The following PWWP2A variants were observed in gnomAD, a reference collection of about 807,000 sequenced individuals.
PWWP2A encodes PWWP domain-containing protein 2A.
Under a neutral mutation model 48.5 loss-of-function variants are expected in PWWP2A, and 18 were observed. The ratio of observed to expected loss-of-function variants is 0.37; its 90% CI spans 0.26 to 0.55. PWWP2A has a LOEUF of 0.55. Among genes scored for constraint, PWWP2A ranks in the 20% least tolerant of loss-of-function variants. PWWP2A has a pLI of 0.81. For missense variants in PWWP2A, 867 were observed against 976.4 expected (o/e 0.89, Z 1.49); for synonymous variants, 396 against 387.7 (o/e 1.02, Z -0.25).
At chr5:160,118,735 G>T (rs1027113519) in intron 1 of PWWP2A, 70 bp downstream of exon 1, 33 of 1,330,552 alleles carry the variant, frequency 2.5e-5, no homozygotes, top group Non-Finnish European at 3.1e-5. Context: ...TCGGGGAGAG[G>T]GGGCCGCCCG....
intron 4 of PWWP2A, among the ~76,000 whole-genome samples, chr5:160,063,830 T>TA (rs1208834318): frequency 5.9e-5 from 9 of 151,878 alleles, no homozygotes; most frequent in African/African-American, 2.2e-4. Context: ...TTTGTAGAGA[T>TA]AGAGTCTCAC....
chr5:160,082,696 T>C (rs531061731), intron 2 of PWWP2A, among the ~76,000 whole-genome samples: 2 of 152,124 alleles, frequency 1.3e-5, no homozygotes, highest in Non-Finnish European at 1.5e-5. Context: ...TTTAAGATAA[T>C]CTTCCCCTCA....
chr5:160,091,997 T>G lies in PWWP2A; in HGVS notation c.*385A>C. ...GTGTATATATACATATATATGTGTG[T>G]ATATATACATACACGGATATATATA... On this transcript the variant is annotated 3_prime_UTR_variant, in exon 2 of 2. Coordinates refer to ENST00000307063, the MANE Select transcript of PWWP2A (RefSeq NM_001130864.2). 1.9e-6 allele frequency: 1 copy of G among 523,940 alleles called. No homozygotes were observed. The highest frequency in any genetic ancestry group is 2.4e-6 in the Non-Finnish European group (1 of 416,988). 32.5% of individuals were successfully genotyped at this position (523,940 alleles called of 1,614,324 possible).
chr5:160,057,987 G>A (rs895657380), downstream of PWWP2A, among the ~76,000 whole-genome samples: 21 of 152,114 alleles, frequency 1.4e-4, no homozygotes, highest in African/African-American at 3.6e-4. The surrounding 1 kb of genome is among the most constrained non-coding windows in gnomAD (Gnocchi z 4.4). Flanking sequence ...GGCTGGTCTC[G>A]AACTCCTGAA....
At chr5:160,064,997 A>T (rs901363470) in intron 4 of PWWP2A, 1 of 1,613,978 alleles carries the variant, frequency 6.2e-7, no homozygotes, top group Non-Finnish European at 8.5e-7. Context: ...AAATTTCCAG[A>T]TCAAACAGGA....
At chr5:160,094,380 T>C (rs1396364153) in intron 1 of PWWP2A, among the ~76,000 whole-genome samples, 1 of 152,240 alleles carries the variant, frequency 6.6e-6, no homozygotes, top group African/African-American at 2.4e-5. Context: ...AAGCATCACA[T>C]ACATTACATT....
At chr5:160,109,774 A>AAATATATATAT (rs1554104831) in intron 1 of PWWP2A, among the ~76,000 whole-genome samples, 1 of 25,236 alleles carries the variant, frequency 4.0e-5, no homozygotes, top group African/African-American at 1.5e-4. Flanking sequence ...AAAAAAAAAA[A>AAATATATATAT]ATATATATAT....
Position 160,119,347 on chromosome 5 carries a change from G to C in PWWP2A, c.42C>G (p.Ser14=). The change falls in exon 1 of 2, where the codon TCC becomes TCG. Residue 14 remains serine, a synonymous_variant. Coordinates refer to ENST00000307063, the MANE Select transcript of PWWP2A (RefSeq NM_001130864.2). ...VAAEAAATAA[S]PGEGGAGEAE... Reference sequence around the variant, plus strand: ...CCTCGCCGGCGCCCCCCTCCCCGGGGGACGCTGCAGTCGCTGCCGCCTCTG... The same window carrying C: ...CCTCGCCGGCGCCCCCCTCCCCGGGCGACGCTGCAGTCGCTGCCGCCTCTG... 7.2e-7 allele frequency: 1 copy of C among 1,389,616 alleles called. No individual in the cohort carries two copies. The highest frequency in any genetic ancestry group is 9.3e-7 in the Non-Finnish European group (1 of 1,078,178). 86.1% of individuals were successfully genotyped at this position (1,389,616 alleles called of 1,614,324 possible). A position where few individuals can be genotyped will look rare whatever the true frequency, so the allele number is the denominator to read the frequency against.
intron 1 of PWWP2A, among the ~76,000 whole-genome samples, chr5:160,102,376 C>G (rs1756405004): frequency 7.7e-6 from 1 of 130,334 alleles, no homozygotes. Context: ...CCAGCCTGGG[C>G]AACCAGGCGA....
At chr5:160,083,881 T>C (rs147560607) in intron 2 of PWWP2A, among the ~76,000 whole-genome samples, 180 of 152,350 alleles carry the variant, frequency 1.2e-3, no homozygotes, top group Non-Finnish European at 1.7e-3. Context: ...AGTTGAAATA[T>C]GTTAACACAG....
chr5:160,117,257 T>G (rs1758232016), intron 1 of PWWP2A, among the ~76,000 whole-genome samples: 1 of 152,132 alleles, frequency 6.6e-6, no homozygotes, highest in Non-Finnish European at 1.5e-5. Flanking sequence ...CCCAGGAGTC[T>G]GAGACCAGCC....
chr5:160,102,103 T>C (rs1756370265), intron 1 of PWWP2A, among the ~76,000 whole-genome samples: 1 of 138,764 alleles, frequency 7.2e-6, no homozygotes, highest in South Asian at 2.3e-4. Flanking sequence ...AGAGTGAAAC[T>C]TGGTGTCAAA....
the PWWP2A span, chr5:160,049,781 T>C: frequency 1.1e-6 from 1 of 949,238 alleles, no homozygotes; most frequent in Non-Finnish European, 1.5e-6. Flanking sequence ...GAGGAGCTTA[T>C]CAAGATATAT....
chr5:160,084,879 A>G (rs920310450), intron 2 of PWWP2A, among the ~76,000 whole-genome samples: 24 of 152,278 alleles, frequency 1.6e-4, no homozygotes, highest in African/African-American at 4.8e-4. Context: ...AAAAAATTCT[A>G]TCATATTTTA....
chr5:160,075,291 T>C (rs1217867835), downstream of PWWP2A, among the ~76,000 whole-genome samples: 1 of 152,124 alleles, frequency 6.6e-6, no homozygotes, highest in Non-Finnish European at 1.5e-5. Context: ...AATGGGAGAA[T>C]GTTTGAGATT....
intron 2 of PWWP2A, among the ~76,000 whole-genome samples, chr5:160,068,331 C>T (rs1581139488): frequency 1.3e-5 from 2 of 152,158 alleles, no homozygotes; most frequent in South Asian, 4.1e-4. Flanking sequence ...AGGCTGGGTG[C>T]GGTGGCTCAA....
At chr5:160,089,549 G>C (rs530803439), downstream of PWWP2A, 19 of 1,287,778 alleles carry the variant, frequency 1.5e-5, no homozygotes, top group African/African-American at 2.9e-4. Flanking sequence ...TTCCACATCT[G>C]TAAATGAGAG....
At chr5:160,109,769 AAAAAAATATAT>A (rs1457061475) in intron 1 of PWWP2A, among the ~76,000 whole-genome samples, 5,426 of 64,852 alleles carry the variant, frequency 0.084, 150 homozygotes, top group East Asian at 0.12. Context: ...AAAAAAAAAA[AAAAAAATATAT>A]ATATATATAT....
intron 2 of PWWP2A, chr5:160,080,910 G>T: frequency 2.7e-6 from 2 of 754,590 alleles, no homozygotes; most frequent in Non-Finnish European, 4.1e-6. Context: ...TAACTTGCTC[G>T]CTTCACAGAA....
Sources: allele counts gnomAD v4.1 joint callset (sites outside exome capture counted in the v4.1 genomes callset), GRCh38; gene constraint gnomAD v4.1.1; non-coding constraint Gnocchi (gnomAD v3.1); transcripts MANE v1.5; gene names NCBI Gene and HGNC (gene_info 2026-07-23, HGNC 2026-07-21).